Variants in RAB12 observed in about 807,000 individuals in gnomAD.
RAB12 encodes the protein RAB12, member RAS oncogene family.
A neutral mutation model predicts 28.4 loss-of-function variants in RAB12; 11 were observed. The observed-to-expected ratio is 0.39, with a 90% CI of 0.24 to 0.64. RAB12 has a LOEUF of 0.64. Ranked by LOEUF, RAB12 falls within the 30% of genes least tolerant of loss-of-function variation. The probability of loss-of-function intolerance (pLI) is 0.50; values close to 1 mark genes in which losing one functional copy is unlikely to be tolerated. For missense variants in RAB12, 276 were observed against 351.1 expected, an observed-to-expected ratio of 0.79 and a Z score of 1.71; for synonymous variants, 138 against 145.3, an observed-to-expected ratio of 0.95 and a Z score of 0.36.
At chr18:8,634,602 G>C (rs909634319) in intron 3 of RAB12, among the ~76,000 whole-genome samples, 13 of 152,154 alleles carry the variant, frequency 8.5e-5, no homozygotes, top group Admixed American at 1.3e-4. Context: ...TGCCCACCCA[G>C]GTCTTGAGGT....
In RAB12 at chr18:8,633,293, A is replaced by T. The variant is rs377072250; in HGVS notation, c.680A>T (p.Asp227Val). The T allele has an allele frequency of 2.0e-5, 33 of 1,613,984 alleles. No individual in the cohort carries two copies. The highest frequency in any genetic ancestry group is 2.0e-5 in the Non-Finnish European group (24 of 1,180,026). ...VYDITKKETF[D>V]DLPKWMKMID... ...GATATCACTAAGAAGGAGACATTTG[A>T]TGATTTGCCGAAATGGATGAAGATG... Residue 227 changes from aspartate (D) to valine (V), a missense_variant, in exon 3 of 6, where the codon GAT becomes GTT. Coordinates refer to ENST00000649141, the MANE Select transcript of RAB12 (RefSeq NM_001025300.3).
chr18:8,634,827 A>G (rs1225853209), intron 3 of RAB12, among the ~76,000 whole-genome samples: 1 of 152,232 alleles, frequency 6.6e-6, no homozygotes, highest in Non-Finnish European at 1.5e-5. Flanking sequence ...GTCTGTTTCA[A>G]GTAACTTTTT....
Position 8,627,150 on chromosome 18 carries a change from T to C in RAB12, c.575+2152T>C, listed in dbSNP as rs568911783. Among the ~76,000 whole-genome samples the C allele has an allele frequency of 8.5e-5, 13 of 152,368 alleles. No individual in the cohort carries two copies. In the South Asian group the frequency reaches 2.7e-3, roughly 32 times the overall value. On this transcript the variant is annotated intron_variant, in intron 2 of 5. Coordinates refer to ENST00000649141, the MANE Select transcript of RAB12 (RefSeq NM_001025300.3). Reference sequence around the variant, plus strand: ...GTTTTAAAGTAATGCGTGGCTTCTTTAGGAGTGAGGCACAGCCCTTGTGCT... The same window carrying C: ...GTTTTAAAGTAATGCGTGGCTTCTTCAGGAGTGAGGCACAGCCCTTGTGCT...
At chr18:8,618,656 CCCA>C (rs1280540338) in intron 1 of RAB12, among the ~76,000 whole-genome samples, 2 of 152,028 alleles carry the variant, frequency 1.3e-5, no homozygotes, top group Non-Finnish European at 2.9e-5. Flanking sequence ...ACCACAGGCA[CCCA>C]CCACCACCAC....
At chr18:8,620,139 C>CTTTTTTTTTTTTTTTTTTTTTTTT (rs71165795) in intron 1 of RAB12, among the ~76,000 whole-genome samples, 3 of 53,950 alleles carry the variant, frequency 5.6e-5, no homozygotes, top group African/African-American at 7.9e-5. Flanking sequence ...TTTTCTTCTT[C>CTTTTTTTTTTTTTTTTTTTTTTTT]TTTTTTTTTT....
chr18:8,623,566 G>A (rs1001405808), intron 1 of RAB12, among the ~76,000 whole-genome samples: 1 of 152,192 alleles, frequency 6.6e-6, no homozygotes, highest in Admixed American at 6.5e-5. Flanking sequence ...ACTTGAAATT[G>A]CAGTTTCCTT....
At chr18:8,614,803 C>T (rs1266148729) in intron 1 of RAB12, among the ~76,000 whole-genome samples, 3 of 152,170 alleles carry the variant, frequency 2.0e-5, no homozygotes, top group African/African-American at 7.2e-5. Context: ...CCAGGCTGGT[C>T]TCGAAATCCT....
intron 2 of RAB12, among the ~76,000 whole-genome samples, chr18:8,627,463 C>T (rs2096013385): frequency 6.6e-6 from 1 of 152,150 alleles, no homozygotes; most frequent in African/African-American, 2.4e-5. Flanking sequence ...TTTTACGTCA[C>T]GTTTTATGTC....
intron 1 of RAB12, among the ~76,000 whole-genome samples, chr18:8,617,698 C>T (rs2096007449): frequency 6.6e-6 from 1 of 152,116 alleles, no homozygotes; most frequent in Admixed American, 6.5e-5. Context: ...TAGCTCCCTT[C>T]CAGCCTCTGC....
rs2096020910 is a variant in RAB12 at position 8,639,149 on chromosome 18, T to TTTTTTTTTTG, written c.*896_*897insGTTTTTTTTT. On this transcript the variant is annotated 3_prime_UTR_variant, in exon 6 of 6. Transcript: ENST00000649141. The stretch of plus-strand genomic sequence containing the variant: ...TCTGATTAAGCCTAGACTGTGTTCT[T>TTTTTTTTTTG]TTTTTTTTTTTTTTTTTTTTTTTTT... The TTTTTTTTTTG allele has an allele frequency of 1.5e-5, 1 of 67,740 alleles. No individual in the cohort carries two copies. Among genetic ancestry groups the TTTTTTTTTTG allele is most frequent in the East Asian group, 3.5e-4 (1 of 2,872 alleles). 4.2% of individuals were successfully genotyped at this position (67,740 alleles called of 1,614,324 possible).
chr18:8,610,287 C>T (rs2148704911), intron 1 of RAB12, among the ~76,000 whole-genome samples: 1 of 152,328 alleles, frequency 6.6e-6, no homozygotes, highest in African/African-American at 2.4e-5. Context: ...GGAGCGCAGG[C>T]AGGCAGGGGA....
Position 8,636,343 on chromosome 18 carries a change from G to T in RAB12, c.895G>T (p.Asp299Tyr). ...VDEIFLKLVDDILKKMPLDIL... is the reference protein window; with the variant it reads ...VDEIFLKLVDYILKKMPLDIL... The stretch of plus-strand genomic sequence containing the variant: ...CGAGATATTTTTGAAACTTGTCGAT[G>T]ACATTCTGAAAAAGGTAAAAAAAAG... Residue 299 changes from aspartate (D) to tyrosine (Y), a missense_variant, in exon 5 of 6, where the codon GAC (aspartate) becomes TAC (tyrosine). This residue lies in a region of RAB12 where 127 missense variants were observed against 161.4 expected (regional missense o/e 0.79). Transcript: ENST00000649141. The T allele has an allele frequency of 6.3e-7, 1 of 1,598,198 alleles. No homozygotes were observed. The highest frequency in any genetic ancestry group is 8.6e-7 in the Non-Finnish European group (1 of 1,168,930).
At chr18:8,624,856 C>T in intron 1 of RAB12, 82 bp from the exon 2 acceptor site, 1 of 924,560 alleles carries the variant, frequency 1.1e-6, no homozygotes. Flanking sequence ...ATAATGATAA[C>T]AAAATACACA....
At chr18:8,626,122 A>G (rs1253484160) in intron 2 of RAB12, among the ~76,000 whole-genome samples, 1 of 152,174 alleles carries the variant, frequency 6.6e-6, no homozygotes, top group Non-Finnish European at 1.5e-5. Flanking sequence ...CTTGATTATG[A>G]AACATTAGGT....
intron 1 of RAB12, among the ~76,000 whole-genome samples, chr18:8,614,250 C>G (rs1046229437): frequency 2.0e-5 from 3 of 151,226 alleles, no homozygotes; most frequent in African/African-American, 7.3e-5. Context: ...TAAGTGTGCC[C>G]CTGTCATTAC....
intron 5 of RAB12, 92 bp from the exon 6 acceptor site, chr18:8,638,057 G>C: frequency 1.3e-6 from 1 of 743,460 alleles, no homozygotes; most frequent in African/African-American, 1.7e-5. Flanking sequence ...TGTATAAGTG[G>C]ACCTGTGCAG....
At chr18:8,616,482 C>T (rs940998101) in intron 1 of RAB12, among the ~76,000 whole-genome samples, 5 of 151,602 alleles carry the variant, frequency 3.3e-5, no homozygotes, top group African/African-American at 1.2e-4. Flanking sequence ...CTCTGACAAA[C>T]TCCACCCTTT....
chr18:8,614,944 G>T (rs998611974), intron 1 of RAB12, among the ~76,000 whole-genome samples: 1 of 152,152 alleles, frequency 6.6e-6, no homozygotes, highest in South Asian at 2.1e-4. Context: ...AAACTTCACA[G>T]CCTGGCCCCC....
In RAB12 at chr18:8,627,284, G is replaced by A. The variant is rs556419706; in HGVS notation, c.575+2286G>A. On this transcript the variant is annotated intron_variant, in intron 2 of 5. Coordinates refer to ENST00000649141, the MANE Select transcript of RAB12 (RefSeq NM_001025300.3). ...GCTGGAAACGGTCCCTCAAGGAGGC[G>A]CAGTGGATTGTGCTATGCTAATAAT... Among the ~76,000 whole-genome samples the A allele has an allele frequency of 4.6e-5, 7 of 152,278 alleles. No individual in the cohort carries two copies. In the East Asian group the frequency reaches 7.7e-4, roughly 17 times the overall value.
Sources: gnomAD v4.1 joint callset for allele counts (sites outside exome capture counted in the v4.1 genomes callset) on GRCh38, gnomAD v4.1.1 for gene constraint, gnomAD v4.1.1 regional missense constraint, MANE v1.5 for transcripts, NCBI Gene and HGNC (gene_info 2026-07-23, HGNC 2026-07-21) for gene names.